The following MAP3K15 variants were observed in gnomAD, a reference collection of about 807,000 sequenced individuals.
MAP3K15 encodes mitogen-activated protein kinase kinase kinase 15.
Under a neutral mutation model 99.5 loss-of-function variants are expected in MAP3K15, and 124 were observed. The observed-to-expected ratio is 1.25, with a 90% CI of 1.08 to 1.45. MAP3K15 has a LOEUF of 1.45. Ranked by LOEUF, MAP3K15 falls within the 40% of genes most tolerant of loss-of-function variation. MAP3K15 has a pLI of 0.00. For missense variants in MAP3K15, 1,242 were observed against 1,079.7 expected, an observed-to-expected ratio of 1.15 and a Z score of -2.11; for synonymous variants, 494 against 439.6, an observed-to-expected ratio of 1.12 and a Z score of -1.55.
At chrX:19,497,639 T>C (rs1486918565) in intron 1 of MAP3K15, 1 of 111,504 alleles carries the variant, frequency 9.0e-6, no homozygotes, top group Non-Finnish European at 1.9e-5. Context: ...AATTTTCATT[T>C]CCTTTTTGTC....
chrX:19,450,683 A>G (rs1436958053), intron 6 of MAP3K15, among the ~76,000 whole-genome samples: 2 of 108,994 alleles, frequency 1.8e-5, no homozygotes, highest in Non-Finnish European at 3.9e-5. Flanking sequence ...CAGCCCTTCT[A>G]CTGACACATA....
chrX:19,488,881 T>G lies in MAP3K15; in HGVS notation c.448A>C (p.Asn150His). 1 of 1,199,187 alleles carries G rather than the reference T, an allele frequency of 8.3e-7. No individual in the cohort carries two copies. Among genetic ancestry groups the G allele is most frequent in the Non-Finnish European group, 1.1e-6 (1 of 894,356 alleles). Residue 150 changes from asparagine (N) to histidine (H), a missense_variant, in exon 2 of 29, where the codon AAT becomes CAT. Transcript: ENST00000338883. ...GTGTCATGGTACAAGATCACATTATTGGCCATGTCAAAGCTTTCTCGGACT... is the reference window on the plus strand; with the variant it reads ...GTGTCATGGTACAAGATCACATTATGGGCCATGTCAAAGCTTTCTCGGACT... ...LGVRESFDMA[N>H]NVILYHDTDA...
chrX:19,391,605 G>A (rs1438503523), intron 18 of MAP3K15, among the ~76,000 whole-genome samples: 1 of 103,287 alleles, frequency 9.7e-6, no homozygotes, highest in Admixed American at 1.1e-4. Flanking sequence ...AACCCAGGAG[G>A]TGGAGGTAGC....
In MAP3K15 at chrX:19,361,354, C is replaced by T. The variant is rs977795204; in HGVS notation, c.3842G>A (p.Arg1281Lys). 8.3e-7 allele frequency: 1 copy of T among 1,206,308 alleles called. No individual in the cohort carries two copies. Residue 1281 changes from arginine (R) to lysine (K), a missense_variant, in exon 28 of 29, where the codon AGA (arginine) becomes AAA (lysine). Transcript: ENST00000338883. Reference protein sequence around the residue: ...ILNEITKEDLRYLRLRGGLLC... With the variant: ...ILNEITKEDLKYLRLRGGLLC... ...AGGCTCTTACCGTAGTCGAAGGTAT[C>T]TTAGATCTTCCTTAGTGATCTCATT... is the stretch of plus-strand genomic sequence containing the variant.
At chrX:19,407,572 T>C (rs1473298857) in intron 12 of MAP3K15, among the ~76,000 whole-genome samples, 2 of 112,120 alleles carry the variant, frequency 1.8e-5, no homozygotes, top group East Asian at 5.5e-4. Flanking sequence ...TAAAATATGG[T>C]TCTCTGTCCT....
chrX:19,479,389 A>G (rs2064274320), intron 3 of MAP3K15, among the ~76,000 whole-genome samples: 1 of 110,980 alleles, frequency 9.0e-6, no homozygotes, highest in Non-Finnish European at 1.9e-5. Flanking sequence ...CTCCCTCCCA[A>G]TGTGGTCAGC....
At chrX:19,475,803 C>G (rs1452489566) in intron 3 of MAP3K15, among the ~76,000 whole-genome samples, 1 of 112,184 alleles carries the variant, frequency 8.9e-6, no homozygotes, top group African/African-American at 3.2e-5. Flanking sequence ...TGAAGCTACG[C>G]AATACCTGTG....
chrX:19,457,528 A>G (rs1396549121), intron 5 of MAP3K15, among the ~76,000 whole-genome samples: 2 of 111,461 alleles, frequency 1.8e-5, no homozygotes, highest in African/African-American at 3.3e-5. Context: ...AGGAGAATTG[A>G]TTGAACCTGA....
rs757924627 is a variant in MAP3K15, at chrX:19,470,989, T to G, written c.526-6583A>C. On this transcript the variant is annotated intron_variant, in intron 3 of 28. Coordinates refer to ENST00000338883, the MANE Select transcript of MAP3K15 (RefSeq NM_001001671.4). Reference sequence around the variant, plus strand: ...AGGAGGGGGGGTAGGAATTCTGAAGTTGAAAAGTACAACAGCCAAAATGAA... The same window carrying G: ...AGGAGGGGGGGTAGGAATTCTGAAGGTGAAAAGTACAACAGCCAAAATGAA... Among the ~76,000 whole-genome samples, 11 of 111,079 alleles carry G rather than the reference T, an allele frequency of 9.9e-5. No individual in the cohort carries two copies. The South Asian group carries it at 4.1e-3, about 42-fold the overall frequency.
intron 3 of MAP3K15, among the ~76,000 whole-genome samples, chrX:19,483,140 C>T (rs1348943025): frequency 1.8e-5 from 2 of 108,999 alleles, no homozygotes; most frequent in African/African-American, 6.7e-5. Flanking sequence ...TGCCTGTATT[C>T]CCAGGTACTC....
intron 9 of MAP3K15, 107 bp from the exon 10 acceptor site, chrX:19,415,364 A>T: frequency 2.6e-6 from 2 of 755,409 alleles, no homozygotes; most frequent in Non-Finnish European, 3.6e-6. Flanking sequence ...TTAAATTCAT[A>T]TTATGTCATG....
intron 1 of MAP3K15, among the ~76,000 whole-genome samples, chrX:19,496,170 G>T (rs981577289): frequency 1.8e-5 from 2 of 108,128 alleles, no homozygotes; most frequent in Non-Finnish European, 3.8e-5. Flanking sequence ...AGGTTCAAGC[G>T]ATTCTTGTGC....
intron 6 of MAP3K15, among the ~76,000 whole-genome samples, chrX:19,455,781 T>C (rs1318848509): frequency 1.8e-5 from 2 of 110,783 alleles, no homozygotes; most frequent in Non-Finnish European, 3.8e-5. Flanking sequence ...GACTTAGTGA[T>C]GAGTAACTTA....
intron 15 of MAP3K15, among the ~76,000 whole-genome samples, chrX:19,397,741 T>C (rs1480095711): frequency 8.9e-6 from 1 of 111,931 alleles, no homozygotes; most frequent in Non-Finnish European, 1.9e-5. Flanking sequence ...GCCTCTGAAG[T>C]GTAGTTCTTC....
chrX:19,514,864 T>G, intron 1 of MAP3K15, 37 bp downstream of exon 1: 1 of 896,218 alleles, frequency 1.1e-6, no homozygotes, highest in East Asian at 4.9e-5. Flanking sequence ...TGAGGGTAGG[T>G]GAACTGGGAC....
chrX:19,472,498 C>T (rs1395338046), intron 3 of MAP3K15, among the ~76,000 whole-genome samples: 1 of 110,767 alleles, frequency 9.0e-6, no homozygotes, highest in Admixed American at 9.7e-5. Flanking sequence ...TTGAAAATAA[C>T]AGCAAAAGGA....
At chrX:19,428,031 C>T (rs1470619951) in intron 7 of MAP3K15, among the ~76,000 whole-genome samples, 1 of 111,353 alleles carries the variant, frequency 9.0e-6, no homozygotes, top group Admixed American at 9.6e-5. Flanking sequence ...GAAAGGGTTG[C>T]TCCTCCAGAA....
At chrX:19,411,797 AT>A (rs1280953311) in intron 11 of MAP3K15, among the ~76,000 whole-genome samples, 1 of 111,565 alleles carries the variant, frequency 9.0e-6, no homozygotes, top group Non-Finnish European at 1.9e-5. Flanking sequence ...AAAGAGGCAA[AT>A]ATGGCTACAG....
rs1404016169 is a variant in MAP3K15 at position 19,360,814 on chromosome X, G to A, written c.3877C>T (p.Leu1293Phe). Residue 1293 changes from leucine to phenylalanine, a missense_variant, in exon 29 of 29, where the codon CTC becomes TTC. Coordinates refer to ENST00000338883, the MANE Select transcript of MAP3K15 (RefSeq NM_001001671.4). ...LRLRGGLLCR[L>F]WSAVSQYRRA... The stretch of plus-strand genomic sequence containing the variant: ...CTGTACTGGGAGACCGCACTCCAGA[G>A]TCTGCAGAGGAGACCACCCCTGGGA... 4.7e-5 allele frequency: 56 copies of A among 1,203,524 alleles called. No homozygotes were observed. Among genetic ancestry groups the A allele is most frequent in the Admixed American group, 6.8e-5 (3 of 44,405 alleles).
Sources: allele counts gnomAD v4.1 joint callset (sites outside exome capture counted in the v4.1 genomes callset), GRCh38; gene constraint gnomAD v4.1.1; transcripts MANE v1.5; gene names NCBI Gene and HGNC (gene_info 2026-07-23, HGNC 2026-07-21).